RGS12: variants seen among roughly 807,000 people sequenced by gnomAD.
RGS12 encodes regulator of G protein signaling 12, also known as regulator of G-protein signaling 12.
In RGS12, 66 loss-of-function variants were observed where a neutral mutation model predicts 120.1. The ratio of observed to expected loss-of-function variants is 0.55; its 90% confidence interval spans 0.45 to 0.67. The LOEUF (loss-of-function observed/expected upper bound fraction) is 0.67. RGS12 is among the 30% of genes least tolerant of loss of function. The pLI, the probability that RGS12 is intolerant of heterozygous loss-of-function variation, is 0.00. For synonymous variants in RGS12, 827 were observed against 804.7 expected (o/e 1.03, Z -0.47); for missense variants, 1,859 against 1,957.7 (o/e 0.95, Z 0.95).
rs769684394 is a variant in RGS12, at chr4:3,417,510, GAAAAA to G, written c.2731_2735del (p.Lys911GlufsTer81). The G allele has an allele frequency of 6.2e-7, 1 of 1,613,272 alleles. No individual in the cohort carries two copies. The highest frequency in any genetic ancestry group is 1.1e-5 in the South Asian group (1 of 91,084). ...GGACCAGGAGCACCGGGAGGTCCCA[GAAAAA>G]GAGGGAGCACGGGGACCACGCAGAC... On this transcript the variant is annotated frameshift_variant, in exon 9 of 18. Transcript: ENST00000336727. LOFTEE classifies it high-confidence loss of function.
At chr4:3,309,039 G>T (rs1225142800) in intron 1 of RGS12, among the ~76,000 whole-genome samples, 1 of 151,838 alleles carries the variant, frequency 6.6e-6, no homozygotes, top group Non-Finnish European at 1.5e-5. Context: ...AATGGCAGGT[G>T]TCCTCTGAGG....
intron 3 of RGS12, chr4:3,385,299 G>C (rs1180021616): frequency 6.6e-6 from 1 of 152,384 alleles, no homozygotes; most frequent in Non-Finnish European, 1.5e-5. Flanking sequence ...GGTCCCCGCA[G>C]GAAGGGGTTC....
At chr4:3,420,139 G>A (rs985552658) in intron 9 of RGS12, among the ~76,000 whole-genome samples, 5 of 152,224 alleles carry the variant, frequency 3.3e-5, no homozygotes, top group African/African-American at 1.2e-4. Flanking sequence ...ATGTCAGGAC[G>A]TCAGAGGAAA....
chr4:3,348,873 C>T (rs549705885), intron 3 of RGS12, among the ~76,000 whole-genome samples: 4 of 152,252 alleles, frequency 2.6e-5, no homozygotes, highest in Non-Finnish European at 4.4e-5. Flanking sequence ...AAGCCCAAGC[C>T]GAGGCTGTCA....
chr4:3,317,134 G>A lies in RGS12; in HGVS notation c.964G>A (p.Asp322Asn), dbSNP rs377625159. 2.6e-5 allele frequency: 42 copies of A among 1,613,778 alleles called. No homozygotes were observed. Among genetic ancestry groups the A allele is most frequent in the African/African-American group, 2.5e-4 (19 of 74,926 alleles). Residue 322 changes from aspartate to asparagine, a missense_variant, in exon 2 of 18, where the codon GAC becomes AAC. Asp to Asn is a conservative substitution (Grantham distance 23). Around this residue, in one of 3 missense-constraint regions of RGS12, gnomAD observed 967 missense variants for 994.2 expected, o/e 0.97. Transcript: ENST00000336727. ...FGLVTMQTND[D>N]GSLAQEEEGA... is the part of the protein sequence containing the mutation. ...GTTGGTTACCATGCAGACGAATGAC[G>A]ACGGGAGCCTGGCCCAGGAGGAGGA... is the stretch of plus-strand genomic sequence containing the variant.
At chr4:3,370,238 C>T (rs183132465) in intron 3 of RGS12, 147 of 1,613,412 alleles carry the variant, frequency 9.1e-5, no homozygotes, top group Non-Finnish European at 1.2e-4. Context: ...GTCTTAGACC[C>T]GGGTGCCTAG....
At chr4:3,301,921 C>T (rs187667033) in intron 1 of RGS12, among the ~76,000 whole-genome samples, 52 of 152,098 alleles carry the variant, frequency 3.4e-4, no homozygotes, top group South Asian at 8.3e-4. Context: ...TGTTGCCGCA[C>T]AGCATTTGGG....
Position 3,366,518 on chromosome 4 carries a change from A to T in RGS12, c.1999-19898A>T, listed in dbSNP as rs573414972. Among the ~76,000 whole-genome samples, 193 of 152,180 alleles carry T rather than the reference A, an allele frequency of 1.3e-3. 2 individuals are homozygous for T. Among genetic ancestry groups the T allele is most frequent in the Non-Finnish European group, 2.3e-3 (154 of 67,980 alleles). The stretch of plus-strand genomic sequence containing the variant: ...TGCCTCGCACGCCCTCCTAGCTGAG[A>T]GTGAGGTGGTCCGGCCCCGTGAAGG... On this transcript the variant is annotated intron_variant, in intron 3 of 17. Transcript: ENST00000336727. This position sits in a 1 kb window ranked among gnomAD's most constrained non-coding sequence, Gnocchi z 4.0.
At chr4:3,404,299 C>T (rs945578280) in intron 4 of RGS12, among the ~76,000 whole-genome samples, 2 of 152,210 alleles carry the variant, frequency 1.3e-5, no homozygotes, top group African/African-American at 4.8e-5. Flanking sequence ...CACAAGTCTC[C>T]ACATGGGGAT....
chr4:3,411,607 G>C (rs922341011), intron 4 of RGS12, among the ~76,000 whole-genome samples: 14 of 152,248 alleles, frequency 9.2e-5, no homozygotes, highest in African/African-American at 3.1e-4. Flanking sequence ...ATTCCTGTCT[G>C]TGATGTTTTG....
chr4:3,332,450 C>T (rs948140794), intron 2 of RGS12, among the ~76,000 whole-genome samples: 1 of 152,214 alleles, frequency 6.6e-6, no homozygotes, highest in Non-Finnish European at 1.5e-5. Context: ...CTGCTACATA[C>T]ACAGAGCCAC....
intron 9 of RGS12, chr4:3,419,566 C>G (rs1350157693): frequency 6.6e-6 from 1 of 151,960 alleles, no homozygotes; most frequent in African/African-American, 2.4e-5. Context: ...TAAATCCCAG[C>G]GCTTTGGCGG....
At chr4:3,303,412 C>A (rs1723791842) in intron 1 of RGS12, among the ~76,000 whole-genome samples, 1 of 152,238 alleles carries the variant, frequency 6.6e-6, no homozygotes, top group South Asian at 2.1e-4. Flanking sequence ...CCCAGTCTCA[C>A]CTCTGTGGCC....
chr4:3,438,759 C>G (rs976650246), intron 17 of RGS12, among the ~76,000 whole-genome samples: 24 of 151,856 alleles, frequency 1.6e-4, no homozygotes, highest in Admixed American at 3.3e-4. Context: ...TTCAGGCAGC[C>G]GGGATCTCCT....
chr4:3,357,455 A>G (rs183346786), intron 3 of RGS12, among the ~76,000 whole-genome samples: 24 of 152,242 alleles, frequency 1.6e-4, no homozygotes, highest in East Asian at 1.5e-3. Flanking sequence ...GCCAAATCCA[A>G]TGTCTTGAAG....
intron 1 of RGS12, among the ~76,000 whole-genome samples, chr4:3,303,491 G>A (rs1368111726): frequency 6.6e-6 from 1 of 152,244 alleles, no homozygotes; most frequent in South Asian, 2.1e-4. Flanking sequence ...GTCCCTGGAG[G>A]CTCTTTTGCT....
rs779379086 is a variant in RGS12, at chr4:3,420,636, G to C, written c.2762-6G>C. On this transcript the variant is annotated splice_region_variant and splice_polypyrimidine_tract_variant and intron_variant, in intron 9 of 17. Coordinates refer to ENST00000336727, the MANE Select transcript of RGS12 (RefSeq NM_001394154.1). ...TGACGTGAGTCACTGTGTTTCCCCT[G>C]TCAAGACGCCCTGCATGCCAATGGA... The C allele has an allele frequency of 1.9e-6, 3 of 1,613,566 alleles. No homozygotes were observed. Among genetic ancestry groups the C allele is most frequent in the Non-Finnish European group, 2.5e-6 (3 of 1,179,968 alleles).
chr4:3,302,944 C>T (rs778715210), intron 1 of RGS12, among the ~76,000 whole-genome samples: 11 of 152,150 alleles, frequency 7.2e-5, no homozygotes, highest in Non-Finnish European at 1.5e-4. Context: ...TCTGTGACCC[C>T]GGGGCAGCTG....
At chr4:3,407,762 T>G (rs2109066243) in intron 4 of RGS12, among the ~76,000 whole-genome samples, 1 of 152,276 alleles carries the variant, frequency 6.6e-6, no homozygotes, top group African/African-American at 2.4e-5. Flanking sequence ...GTGTTTGAGG[T>G]TACGGTTTGG....
Sources: gnomAD v4.1 joint callset for allele counts (sites outside exome capture counted in the v4.1 genomes callset) on GRCh38, gnomAD v4.1.1 for gene constraint, gnomAD v4.1.1 regional missense constraint, Gnocchi (gnomAD v3.1) non-coding constraint, MANE v1.5 for transcripts, NCBI Gene and HGNC (gene_info 2026-07-23, HGNC 2026-07-21) for gene names.